NOTCH2NLA: variants seen among roughly 807,000 people sequenced by gnomAD.
The protein encoded by NOTCH2NLA is notch homolog 2 N-terminal-like protein A.
At chr1:146,185,813 T>C (rs1662730028) in intron 2 of NOTCH2NLA, among the ~76,000 whole-genome samples, 1 of 135,176 alleles carries the variant, frequency 7.4e-6, no homozygotes, top group African/African-American at 2.5e-5. Context: ...ATCGCATGAA[T>C]AAAAAGATAA....
chr1:146,228,582 A>G (rs1482662071), intron 1 of NOTCH2NLA, 127 bp downstream of exon 1: 1 of 1,365,816 alleles, frequency 7.3e-7, no homozygotes, highest in Admixed American at 2.7e-5. Context: ...GAACCCAGCG[A>G]GTGGCCTCGC....
At chr1:146,173,077 A>C (rs2102298569) in intron 2 of NOTCH2NLA, among the ~76,000 whole-genome samples, 1 of 151,122 alleles carries the variant, frequency 6.6e-6, no homozygotes, top group East Asian at 1.9e-4. Context: ...ACATGGGAAG[A>C]AAGGGGAGTA....
rs587658725 is a variant in NOTCH2NLA at position 146,187,631 on chromosome 1, C to T, written c.38+1669G>A. On this transcript the variant is annotated intron_variant, in intron 2 of 4. Coordinates refer to ENST00000362074, the Ensembl canonical transcript of NOTCH2NLA. Reference sequence around the variant, plus strand: ...TGCAAAAAATGCATAAGACTAAGACCTCACATTCTAGCAAAAGAAACACAT... The same window carrying T: ...TGCAAAAAATGCATAAGACTAAGACTTCACATTCTAGCAAAAGAAACACAT... Among the ~76,000 whole-genome samples the T allele has an allele frequency of 2.3e-4, 31 of 135,840 alleles. 2 individuals are homozygous for T. The highest frequency in any genetic ancestry group is 6.7e-4 in the African/African-American group (27 of 40,146). The allele number at this position is 135,840 out of a possible 152,430, so 89.1% of individuals were successfully genotyped here. A position where few individuals can be genotyped will look rare whatever the true frequency, so the allele number is the denominator to read the frequency against.
chr1:146,186,360 T>C (rs1189505279), intron 2 of NOTCH2NLA, among the ~76,000 whole-genome samples: 5 of 115,346 alleles, frequency 4.3e-5, no homozygotes, highest in Admixed American at 9.3e-5. Context: ...CATTTTCTTT[T>C]TTTTTTTTTT....
chr1:146,170,789 G>A (rs1324961893), intron 2 of NOTCH2NLA, among the ~76,000 whole-genome samples: 33 of 112,676 alleles, frequency 2.9e-4, no homozygotes, highest in African/African-American at 9.3e-4. Flanking sequence ...TCTCTTACAC[G>A]TAGCCCTTCA....
At chr1:146,159,393 G>GAGAGAGAAAGAAAGAA (rs1553803701) in intron 3 of NOTCH2NLA, among the ~76,000 whole-genome samples, 3 of 111,040 alleles carry the variant, frequency 2.7e-5, no homozygotes, top group Non-Finnish European at 3.7e-5. Context: ...GAGAAAGAGA[G>GAGAGAGAAAGAAAGAA]AGAAAGAAAG....
chr1:146,158,625 T>A (rs1298754982), intron 3 of NOTCH2NLA, among the ~76,000 whole-genome samples: 1 of 151,906 alleles, frequency 6.6e-6, no homozygotes, highest in South Asian at 2.1e-4. Context: ...GCAATAAACA[T>A]ACGTGTGCAT....
rs587733982 is a variant in NOTCH2NLA, at chr1:146,229,018, G to A, written c.-354C>T. 1,628 of 1,334,532 alleles carry A rather than the reference G, an allele frequency of 1.2e-3. 3 individuals are homozygous for A. Among genetic ancestry groups the A allele is most frequent in the Non-Finnish European group, 1.5e-3 (1,508 of 1,026,200 alleles). The allele number at this position is 1,334,532 out of a possible 1,614,324, so 82.7% of individuals were successfully genotyped here. ...CGAAGTTTGGCTGAAACTTTCTCGG[G>A]TGTGCAGCGAAGCAGCCTCGTGTGT... On this transcript the variant is annotated 5_prime_UTR_variant, in exon 1 of 5. Transcript: ENST00000362074.
chr1:146,186,971 A>G (rs1662799688), intron 2 of NOTCH2NLA, among the ~76,000 whole-genome samples: 1 of 133,410 alleles, frequency 7.5e-6, no homozygotes, highest in Admixed American at 7.9e-5. Flanking sequence ...TCAACCCGTC[A>G]TCCAGGTTTT....
chr1:146,159,463 A>G (rs1219521830), intron 3 of NOTCH2NLA, among the ~76,000 whole-genome samples: 13 of 150,628 alleles, frequency 8.6e-5, no homozygotes, highest in African/African-American at 3.2e-4. Flanking sequence ...GAAAGAAAGA[A>G]AGGAAGGGAG....
intron 3 of NOTCH2NLA, among the ~76,000 whole-genome samples, chr1:146,159,547 T>C (rs1297646879): frequency 2.0e-5 from 3 of 149,106 alleles, no homozygotes; most frequent in East Asian, 4.0e-4. Context: ...CTGCCTATGC[T>C]TCTTCATCTC....
chr1:146,182,504 T>C (rs1231609757), intron 2 of NOTCH2NLA, among the ~76,000 whole-genome samples: 1 of 130,762 alleles, frequency 7.6e-6, no homozygotes, highest in Non-Finnish European at 1.8e-5. Context: ...AAAGATCCAA[T>C]TGTTAATAGG....
intron 1 of NOTCH2NLA, among the ~76,000 whole-genome samples, chr1:146,200,435 A>AT: frequency 4.4e-5 from 1 of 22,906 alleles, no homozygotes; most frequent in African/African-American, 2.5e-4. Context: ...AAAAAAAAAA[A>AT]AAAATATATA....
rs1664355359 is a variant in NOTCH2NLA at position 146,228,815 on chromosome 1, G to GCCGCCGCCGCC, written c.-152_-151insGGCGGCGGCGG. On this transcript the variant is annotated 5_prime_UTR_variant, in exon 1 of 5. An upstream open reading frame in the 5' UTR loses its in-frame stop. Transcript: ENST00000362074. ...TCGCCTCCTCCGCCGCCGCCGCCGC[G>GCCGCCGCCGCC]GCCGCCTGGGCAGATCCACATGGGG... is the stretch of plus-strand genomic sequence containing the variant. 8 of 1,524,238 alleles carry GCCGCCGCCGCC rather than the reference G, an allele frequency of 5.2e-6. 1 individual carries two copies. The African/African-American group carries it at 7.2e-5, about 14-fold the overall frequency. The allele number at this position is 1,524,238 out of a possible 1,614,324, so 94.4% of individuals were successfully genotyped here.
chr1:146,182,456 G>A (rs369255383), intron 2 of NOTCH2NLA, among the ~76,000 whole-genome samples: 1,742 of 134,522 alleles, frequency 0.013, 22 homozygotes, highest in Non-Finnish European at 0.018. Context: ...ACCCTAATAC[G>A]CAATAATGTT....
At chr1:146,170,528 G>T (rs1661908406) in intron 2 of NOTCH2NLA, among the ~76,000 whole-genome samples, 1 of 141,450 alleles carries the variant, frequency 7.1e-6, no homozygotes, top group African/African-American at 2.6e-5. Context: ...GAGCTGTAAA[G>T]AAAGGGAAAT....
intron 2 of NOTCH2NLA, among the ~76,000 whole-genome samples, chr1:146,188,080 T>C (rs1180136101): frequency 7.9e-6 from 1 of 127,320 alleles, no homozygotes; most frequent in Non-Finnish European, 1.8e-5. Context: ...TGGAAAAAAG[T>C]TGTAATTACA....
intron 2 of NOTCH2NLA, among the ~76,000 whole-genome samples, chr1:146,186,826 G>C (rs1183853334): frequency 7.5e-6 from 1 of 133,090 alleles, no homozygotes; most frequent in Non-Finnish European, 1.7e-5. Context: ...CTCTCTGTAT[G>C]GTATTACCAC....
rs1235182614 is a variant in NOTCH2NLA, at chr1:146,180,611, G to A, written c.38+8689C>T. On this transcript the variant is annotated intron_variant, in intron 2 of 4. Transcript: ENST00000362074. ...TAGAAATTTTAATTTACCTTACGTT[G>A]GGTTGTAAGGTAAAACCCAACTAAA... 2.1e-5 allele frequency among the ~76,000 whole-genome samples: 3 copies of A among 143,252 alleles called. No homozygotes were observed. In the East Asian group the frequency reaches 5.8e-4, roughly 28 times the overall value. The allele number at this position is 143,252 out of a possible 152,430, so 94.0% of individuals were successfully genotyped here.
Sources: gnomAD v4.1 joint callset for allele counts (sites outside exome capture counted in the v4.1 genomes callset) on GRCh38, gnomAD v4.1.1 for gene constraint, MANE v1.5 for transcripts, NCBI Gene and HGNC (gene_info 2026-07-23, HGNC 2026-07-21) for gene names.